Variants in ZNF346 observed in about 807,000 individuals in gnomAD.
ZNF346 encodes the protein double-stranded RNA-binding zinc finger protein JAZ.
Under a neutral mutation model 33.7 loss-of-function variants are expected in ZNF346, and 23 were observed. The observed-to-expected ratio is 0.68, with a 90% CI of 0.49 to 0.97. The LOEUF is 0.97. Ranked by LOEUF, ZNF346 falls within the 50% of genes least tolerant of loss-of-function variation. The probability of loss-of-function intolerance (pLI) is 0.00; values close to 1 mark genes in which losing one functional copy is unlikely to be tolerated. For synonymous variants in ZNF346, 134 were observed against 142.4 expected (o/e 0.94, Z 0.42); for missense variants, 340 against 371.1 (o/e 0.92, Z 0.69).
chr5:177,035,833 G>T (rs1483531089), intron 1 of ZNF346, among the ~76,000 whole-genome samples: 1 of 151,822 alleles, frequency 6.6e-6, no homozygotes, highest in African/African-American at 2.4e-5. Context: ...TAGAGACAGG[G>T]TTTCACTATG....
Position 177,041,795 on chromosome 5 carries a change from C to A in ZNF346, c.297C>A (p.Asn99Lys), listed in dbSNP as rs754537868. ...LAHYQSKKHA[N>K]KVKRYLAIHG... ...TTTTGCAGAGCAAAAAACATGCCAA[C>A]AAAGTGAAGAGATACCTAGCAATCC... The change falls in exon 3 of 7, where the codon AAC becomes AAA. Residue 99 changes from asparagine (N) to lysine (K), a missense_variant. Asn to Lys is a moderately conservative substitution (Grantham distance 94, BLOSUM62 0). Transcript: ENST00000358149. The A allele has an allele frequency of 1.9e-6, 3 of 1,612,898 alleles. No individual in the cohort carries two copies. The highest frequency in any genetic ancestry group is 2.7e-5 in the African/African-American group (2 of 74,828).
intron 1 of ZNF346, among the ~76,000 whole-genome samples, chr5:177,029,947 T>C (rs1777424839): frequency 6.6e-6 from 1 of 152,122 alleles, no homozygotes; most frequent in African/African-American, 2.4e-5. Context: ...TGTCTCCAGG[T>C]AGATAGTGTC....
At chr5:177,042,027 A>G (rs922192190) in intron 3 of ZNF346, 157 bp downstream of exon 3, 2 of 534,784 alleles carry the variant, frequency 3.7e-6, no homozygotes, top group Admixed American at 3.3e-5. Flanking sequence ...TTCTTCCTCT[A>G]TAAAAATGAG....
intron 5 of ZNF346, among the ~76,000 whole-genome samples, chr5:177,055,034 G>GTT (rs1213847902): frequency 3.7e-4 from 51 of 137,330 alleles, no homozygotes; most frequent in African/African-American, 4.3e-4. Flanking sequence ...AAATACGTAG[G>GTT]TTTTTTTTTT....
At chr5:177,048,510 A>G (rs1055909043) in intron 4 of ZNF346, among the ~76,000 whole-genome samples, 2 of 152,156 alleles carry the variant, frequency 1.3e-5, no homozygotes, top group East Asian at 1.9e-4. Context: ...AATCCCATCT[A>G]CTTCGGAGAC....
At chr5:177,024,157 TACACAC>T (rs144403449) in intron 1 of ZNF346, among the ~76,000 whole-genome samples, 79 of 121,360 alleles carry the variant, frequency 6.5e-4, no homozygotes, top group African/African-American at 1.9e-3. Flanking sequence ...ATTTTATGTA[TACACAC>T]ACACACACAC....
intron 4 of ZNF346, 25 bp from the exon 5 acceptor site, chr5:177,050,726 C>G (rs779892693): frequency 6.2e-7 from 1 of 1,614,108 alleles, no homozygotes; most frequent in South Asian, 1.1e-5. Flanking sequence ...CCTTACAAAT[C>G]CTTTCCTTGT....
At chr5:177,058,200 C>T (rs749400532) in intron 5 of ZNF346, among the ~76,000 whole-genome samples, 30 of 151,402 alleles carry the variant, frequency 2.0e-4, no homozygotes, top group Non-Finnish European at 4.3e-4. Context: ...AATAGCTGGG[C>T]GCGGTGGCTC....
At chr5:177,034,653 C>G (rs1486078003) in intron 1 of ZNF346, among the ~76,000 whole-genome samples, 2 of 152,208 alleles carry the variant, frequency 1.3e-5, no homozygotes, top group East Asian at 1.9e-4. Context: ...AGCCTCTGCC[C>G]CATACATCTT....
intron 8 of ZNF346, among the ~76,000 whole-genome samples, chr5:177,074,264 T>C (rs1220894264): frequency 6.6e-6 from 1 of 152,186 alleles, no homozygotes; most frequent in African/African-American, 2.4e-5. Flanking sequence ...AAGCTTTTCT[T>C]TGAAAAACCC....
intron 1 of ZNF346, among the ~76,000 whole-genome samples, chr5:177,036,039 G>A (rs780237452): frequency 6.6e-6 from 1 of 151,978 alleles, no homozygotes; most frequent in Non-Finnish European, 1.5e-5. Flanking sequence ...CAGGAATTTG[G>A]GAAAGGCTTG....
rs946729016 is a variant in ZNF346 at position 177,064,709 on chromosome 5, G to T, written c.*110G>T. On this transcript the variant is annotated 3_prime_UTR_variant, in exon 7 of 7. Transcript: ENST00000358149. Reference sequence around the variant, plus strand: ...TTGTTCTCACCAGGAAAGTACACGGGCCTGAGGCAGGATTGGGCCACAGAC... The same window carrying T: ...TTGTTCTCACCAGGAAAGTACACGGTCCTGAGGCAGGATTGGGCCACAGAC... 9.4e-6 allele frequency: 8 copies of T among 851,396 alleles called. No individual in the cohort carries two copies. The highest frequency in any genetic ancestry group is 1.4e-5 in the Non-Finnish European group (7 of 510,430). 52.7% of individuals were successfully genotyped at this position (851,396 alleles called of 1,614,324 possible). A position where few individuals can be genotyped will look rare whatever the true frequency, so the allele number is the denominator to read the frequency against.
chr5:177,035,841 A>G (rs1034392315), intron 1 of ZNF346, among the ~76,000 whole-genome samples: 1 of 151,374 alleles, frequency 6.6e-6, no homozygotes, highest in South Asian at 2.1e-4. Flanking sequence ...GGGTTTCACT[A>G]TGTTGGCCAG....
In ZNF346 at chr5:177,064,687, T is replaced by G; in HGVS notation, c.*88T>G. On this transcript the variant is annotated 3_prime_UTR_variant, in exon 7 of 7. Coordinates refer to ENST00000358149, the MANE Select transcript of ZNF346 (RefSeq NM_012279.4). ...GCCCTTGGCTCCCTCTTGCTCGTTG[T>G]TCTCACCAGGAAAGTACACGGGCCT... 1 of 1,093,104 alleles carries G rather than the reference T, an allele frequency of 9.1e-7. No individual in the cohort carries two copies. 67.7% of individuals were successfully genotyped at this position (1,093,104 alleles called of 1,614,324 possible).
At chr5:177,024,163 C>CAA (rs1199426131) in intron 1 of ZNF346, among the ~76,000 whole-genome samples, 1 of 142,310 alleles carries the variant, frequency 7.0e-6, no homozygotes, top group Non-Finnish European at 1.5e-5. Flanking sequence ...TGTATACACA[C>CAA]ACACACACAC....
intron 1 of ZNF346, among the ~76,000 whole-genome samples, chr5:177,027,894 C>T (rs1432052270): frequency 6.6e-6 from 1 of 152,006 alleles, no homozygotes; most frequent in South Asian, 2.1e-4. Context: ...CCTCCTGCCT[C>T]AGCCTCCCAA....
chr5:177,055,148 C>T (rs1781506493), intron 5 of ZNF346, among the ~76,000 whole-genome samples: 1 of 151,564 alleles, frequency 6.6e-6, no homozygotes, highest in Admixed American at 6.6e-5. Flanking sequence ...ATTCTCCTGC[C>T]TCAGCCTCCT....
chr5:177,047,190 A>T (rs1780173577), intron 4 of ZNF346, among the ~76,000 whole-genome samples: 1 of 151,500 alleles, frequency 6.6e-6, no homozygotes, highest in South Asian at 2.1e-4. Flanking sequence ...CTGGGACTAC[A>T]GGCGCGTGCC....
At chr5:177,036,045 G>C (rs894537053) in intron 1 of ZNF346, among the ~76,000 whole-genome samples, 4 of 152,058 alleles carry the variant, frequency 2.6e-5, no homozygotes, top group Non-Finnish European at 2.9e-5. Flanking sequence ...TTTGGGAAAG[G>C]CTTGGCTGGA....
Sources: gnomAD v4.1 joint callset for allele counts (sites outside exome capture counted in the v4.1 genomes callset) on GRCh38, gnomAD v4.1.1 for gene constraint, MANE v1.5 for transcripts, NCBI Gene and HGNC (gene_info 2026-07-23, HGNC 2026-07-21) for gene names.